ELP4: variants seen among roughly 807,000 people sequenced by gnomAD.
The protein encoded by ELP4 is elongator complex protein 4.
ELP4 carries 51 observed loss-of-function variants against 48.9 expected under a neutral mutation model. The observed-to-expected ratio is 1.04, with a 90% CI of 0.83 to 1.32. ELP4 has a LOEUF of 1.32. Ranked by LOEUF, ELP4 falls within the 40% of genes most tolerant of loss-of-function variation. ELP4 has a pLI of 0.00. For synonymous variants in ELP4, 210 were observed against 189.2 expected, an observed-to-expected ratio of 1.11 and a Z score of -0.90; for missense variants, 519 against 514.6, an observed-to-expected ratio of 1.01 and a Z score of -0.08.
At chr11:31,669,570 T>C (rs1945762585) in intron 9 of ELP4, among the ~76,000 whole-genome samples, 1 of 152,206 alleles carries the variant, frequency 6.6e-6, no homozygotes, top group Non-Finnish European at 1.5e-5. Context: ...TACAACATTA[T>C]TTTAATTTCC....
intron 9 of ELP4, among the ~76,000 whole-genome samples, chr11:31,766,421 A>G (rs1381949380): frequency 6.6e-6 from 1 of 152,072 alleles, no homozygotes; most frequent in Non-Finnish European, 1.5e-5. Flanking sequence ...ATATAGTGTA[A>G]GTATTACTGA....
Position 31,785,568 on chromosome 11 carries a change from T to G in ELP4, c.*2044T>G. On this transcript the variant is annotated 3_prime_UTR_variant, in exon 10 of 10. Transcript: ENST00000640961. ...CTTTTCAAACTCAGTAAAAGTGCAT[T>G]TTGAATAATAAGTGTACCTGGGCTT... is the stretch of plus-strand genomic sequence containing the variant. 1 of 194,906 alleles carries G rather than the reference T, an allele frequency of 5.1e-6. No individual in the cohort carries two copies. Among genetic ancestry groups the G allele is most frequent in the Non-Finnish European group, 1.1e-5 (1 of 93,560 alleles). 12.1% of individuals were successfully genotyped at this position (194,906 alleles called of 1,614,324 possible). A position where few individuals can be genotyped will look rare whatever the true frequency, so the allele number is the denominator to read the frequency against.
At position 31,790,110 on chromosome 11, in the gene ELP4, A is replaced by AAAAC. The variant is rs1554982377; in HGVS notation, c.*6589_*6590insCAAA. ...TTTATAGGTTTACAAAAAAAAAAAA[A>AAAAC]AAAAAAAAAACTAATACTTTCTAAC... On this transcript the variant is annotated 3_prime_UTR_variant, in exon 10 of 10. Coordinates refer to ENST00000640961, the MANE Select transcript of ELP4 (RefSeq NM_019040.5). 699 of 799,174 alleles carry AAAAC rather than the reference A, an allele frequency of 8.7e-4. 14 individuals are homozygous for AAAAC. In the African/African-American group the frequency reaches 0.012, roughly 14 times the overall value. 49.5% of individuals were successfully genotyped at this position (799,174 alleles called of 1,614,324 possible).
At chr11:31,620,413 C>T (rs1406715048) in intron 5 of ELP4, among the ~76,000 whole-genome samples, 2 of 151,944 alleles carry the variant, frequency 1.3e-5, no homozygotes, top group East Asian at 3.9e-4. Flanking sequence ...CAAATGATTG[C>T]CTATGGGTAC....
chr11:31,661,682 AC>A (rs1387741392), intron 9 of ELP4, among the ~76,000 whole-genome samples: 1 of 147,870 alleles, frequency 6.8e-6, no homozygotes, highest in Non-Finnish European at 1.5e-5. Flanking sequence ...CATTAAAAAA[AC>A]TCATTTCAGA....
At chr11:31,607,406 CT>C in intron 5 of ELP4, among the ~76,000 whole-genome samples, 1 of 152,284 alleles carries the variant, frequency 6.6e-6, no homozygotes, top group East Asian at 1.9e-4. Flanking sequence ...CAGCACTCTG[CT>C]TCCAAGATGG....
intron 9 of ELP4, among the ~76,000 whole-genome samples, chr11:31,777,168 A>T (rs1269722384): frequency 6.6e-6 from 1 of 151,848 alleles, no homozygotes; most frequent in Non-Finnish European, 1.5e-5. Flanking sequence ...ATAGCATATA[A>T]CATTGATTTT....
intron 3 of ELP4, among the ~76,000 whole-genome samples, chr11:31,556,651 T>C (rs1418132396): frequency 6.6e-6 from 1 of 151,910 alleles, no homozygotes; most frequent in Non-Finnish European, 1.5e-5. Context: ...TATTAGCTAG[T>C]GATGACATTT....
chr11:31,671,468 C>T (rs568747705), intron 9 of ELP4, among the ~76,000 whole-genome samples: 1 of 152,250 alleles, frequency 6.6e-6, no homozygotes, highest in Non-Finnish European at 1.5e-5. Context: ...TAAAAGTAAA[C>T]ATCATGCATT....
intron 4 of ELP4, chr11:31,599,870 C>CA (rs1164692590): frequency 2.0e-5 from 3 of 152,128 alleles, no homozygotes; most frequent in Non-Finnish European, 4.4e-5. Context: ...GACACAGAAC[C>CA]AAACCATATC....
intron 3 of ELP4, among the ~76,000 whole-genome samples, chr11:31,580,504 A>G (rs1473799977): frequency 6.6e-6 from 1 of 151,900 alleles, no homozygotes; most frequent in African/African-American, 2.4e-5. Flanking sequence ...TCCAATTTTT[A>G]TGTTTATTAC....
In ELP4 at chr11:31,714,950, A is replaced by T. The variant is rs960966852; in HGVS notation, c.1143+64729A>T. On this transcript the variant is annotated intron_variant, in intron 9 of 9. Coordinates refer to ENST00000640961, the MANE Select transcript of ELP4 (RefSeq NM_019040.5). Reference sequence around the variant, plus strand: ...TCTTTCACCTTAATTCCTCTTTGCCATGTAAGGTAACACATTACAGGTTCC... The same window carrying T: ...TCTTTCACCTTAATTCCTCTTTGCCTTGTAAGGTAACACATTACAGGTTCC... 4.8e-5 allele frequency: 19 copies of T among 396,626 alleles called. No homozygotes were observed. In the Admixed American group the frequency reaches 8.4e-4, roughly 17 times the overall value. The allele number at this position is 396,626 out of a possible 1,614,324, so 24.6% of individuals were successfully genotyped here.
intron 9 of ELP4, among the ~76,000 whole-genome samples, chr11:31,681,609 C>T (rs77690068): frequency 0.028 from 4,307 of 151,940 alleles, 200 homozygotes; most frequent in African/African-American, 0.099. Flanking sequence ...TAGAAGAAGA[C>T]TGAAAGGGAA....
Position 31,690,796 on chromosome 11 carries a change from C to CTTT in ELP4, c.1143+40592_1143+40594dup, listed in dbSNP as rs10653769. On this transcript the variant is annotated intron_variant, in intron 9 of 9. Transcript: ENST00000640961. Reference sequence around the variant, plus strand: ...CTTAGTTTCATGTGGGTTTTTTTTCCTTTTTTTTTTTTTTTTTTTGCCGCA... The same window carrying CTTT: ...CTTAGTTTCATGTGGGTTTTTTTTCCTTTTTTTTTTTTTTTTTTTTTTGCCGCA... Among the ~76,000 whole-genome samples, 89 of 109,598 alleles carry CTTT rather than the reference C, an allele frequency of 8.1e-4. 3 individuals are homozygous for CTTT. Among genetic ancestry groups the CTTT allele is most frequent in the Non-Finnish European group, 1.2e-3 (65 of 53,596 alleles). The allele number at this position is 109,598 out of a possible 152,430, so 71.9% of individuals were successfully genotyped here.
chr11:31,552,874 C>G (rs1482659438), intron 3 of ELP4, among the ~76,000 whole-genome samples: 2 of 152,136 alleles, frequency 1.3e-5, no homozygotes, highest in African/African-American at 4.8e-5. Flanking sequence ...CTTAATATCT[C>G]CCCCTGACTT....
At chr11:31,704,218 C>T (rs1400689854) in intron 9 of ELP4, among the ~76,000 whole-genome samples, 1 of 151,548 alleles carries the variant, frequency 6.6e-6, no homozygotes, top group African/African-American at 2.4e-5. Context: ...AGAAAAACTT[C>T]TCAGCAACTA....
chr11:31,564,584 T>C (rs576358720), intron 3 of ELP4, among the ~76,000 whole-genome samples: 1 of 152,242 alleles, frequency 6.6e-6, no homozygotes, highest in East Asian at 1.9e-4. Context: ...TGGGTCCAAG[T>C]GTTCTCATTG....
chr11:31,743,983 G>A (rs2134225458), intron 9 of ELP4, among the ~76,000 whole-genome samples: 1 of 152,016 alleles, frequency 6.6e-6, no homozygotes, highest in African/African-American at 2.4e-5. Flanking sequence ...AACAAAATTG[G>A]TAGACCACTA....
At chr11:31,698,966 T>C (rs1331352331) in intron 9 of ELP4, among the ~76,000 whole-genome samples, 1 of 152,156 alleles carries the variant, frequency 6.6e-6, no homozygotes, top group Non-Finnish European at 1.5e-5. Flanking sequence ...AAAGAAATGA[T>C]TTTAGAACAA....
Sources: gnomAD v4.1 joint callset for allele counts (sites outside exome capture counted in the v4.1 genomes callset) on GRCh38, gnomAD v4.1.1 for gene constraint, MANE v1.5 for transcripts, NCBI Gene and HGNC (gene_info 2026-07-23, HGNC 2026-07-21) for gene names.